Variants in ADGRF4 observed in about 807,000 individuals in gnomAD.
ADGRF4 encodes G-protein coupled receptor PGR18.
Under a neutral mutation model 58.5 loss-of-function variants are expected in ADGRF4, and 63 were observed. The ratio of observed to expected loss-of-function variants is 1.08; its 90% CI spans 0.88 to 1.33. The LOEUF (loss-of-function observed/expected upper bound fraction) is 1.33. ADGRF4 is among the 40% of genes most tolerant of loss of function. The pLI, the probability that ADGRF4 is intolerant of heterozygous loss-of-function variation, is 0.00. For synonymous variants in ADGRF4, 313 were observed against 295.4 expected, an observed-to-expected ratio of 1.06 and a Z score of -0.61; for missense variants, 931 against 843.9, an observed-to-expected ratio of 1.10 and a Z score of -1.28.
chr6:47,699,715 T>A lies in ADGRF4; in HGVS notation c.-17+921T>A, dbSNP rs114425438. Among the ~76,000 whole-genome samples the A allele has an allele frequency of 4.3e-3, 661 of 152,336 alleles. 3 individuals are homozygous for A. The highest frequency in any genetic ancestry group is 0.014 in the African/African-American group (576 of 41,566). On this transcript the variant is annotated intron_variant, in intron 1 of 9. Transcript: ENST00000283303. ...CCCAAGGCTCTATGTGAAGCATTTC[T>A]TCCATGGCAAGGGAGAACTCTAAGG...
chr6:47,706,394 G>A (rs1408205724), intron 1 of ADGRF4, among the ~76,000 whole-genome samples: 1 of 152,148 alleles, frequency 6.6e-6, no homozygotes, highest in Non-Finnish European at 1.5e-5. Context: ...TCTCTAAGAG[G>A]GAGTCTCAGA....
At position 47,717,368 on chromosome 6, in the gene ADGRF4, T is replaced by A; in HGVS notation, c.2034+17T>A. On this transcript the variant is annotated intron_variant, in intron 8 of 9. Coordinates refer to ENST00000283303, the MANE Select transcript of ADGRF4 (RefSeq NM_153838.5). ...GCAGCTGAGGTAAGCCTTCCCCTTT[T>A]AGTCTCAGCCCTGGAGAGTCCGTGT... 1 of 1,579,304 alleles carries A rather than the reference T, an allele frequency of 6.3e-7. No individual in the cohort carries two copies. The highest frequency in any genetic ancestry group is 8.7e-7 in the Non-Finnish European group (1 of 1,148,240).
At chr6:47,711,437 A>G (rs1333606643) in intron 4 of ADGRF4, among the ~76,000 whole-genome samples, 1 of 152,012 alleles carries the variant, frequency 6.6e-6, no homozygotes, top group African/African-American at 2.4e-5. Context: ...TAATTTTTGT[A>G]TTTTTAGTAG....
rs771104599 is a variant in ADGRF4, at chr6:47,713,955, A to G, written c.710A>G (p.Glu237Gly). The G allele has an allele frequency of 6.2e-7, 1 of 1,607,416 alleles. No individual in the cohort carries two copies. Among genetic ancestry groups the G allele is most frequent in the South Asian group, 1.1e-5 (1 of 89,754 alleles). Residue 237 changes from glutamate to glycine, a missense_variant, in exon 6 of 10, where the codon GAA becomes GGA. Physicochemically the swap from Glu to Gly is moderately conservative, Grantham distance 98. Coordinates refer to ENST00000283303, the MANE Select transcript of ADGRF4 (RefSeq NM_153838.5). Reference protein sequence around the residue: ...IHNNSENIVNELFIQTKGFHI... With the variant: ...IHNNSENIVNGLFIQTKGFHI... ...AATAATTCTGAGAACATTGTGAATG[A>G]ACTCTTCATTCAGACAAAAGGGTTT... is the stretch of plus-strand genomic sequence containing the variant.
intron 1 of ADGRF4, among the ~76,000 whole-genome samples, chr6:47,702,690 C>A (rs1771616582): frequency 6.6e-6 from 1 of 152,112 alleles, no homozygotes; most frequent in Admixed American, 6.5e-5. Flanking sequence ...CGTCTCTTCC[C>A]AACAAAGTGT....
At position 47,708,286 on chromosome 6, in the gene ADGRF4, G is replaced by T. The variant is rs755791089; in HGVS notation, c.148+8G>T. 9.4e-6 allele frequency: 15 copies of T among 1,600,968 alleles called. No individual in the cohort carries two copies. Among genetic ancestry groups the T allele is most frequent in the Non-Finnish European group, 1.3e-5 (15 of 1,168,160 alleles). On this transcript the variant is annotated splice_region_variant and intron_variant, in intron 3 of 9. Coordinates refer to ENST00000283303, the MANE Select transcript of ADGRF4 (RefSeq NM_153838.5). Reference sequence around the variant, plus strand: ...AGACTGGAAGGATCCAAGGTATGTGGCTATAGAACAGTCTTCATCCATTTG... The same window carrying T: ...AGACTGGAAGGATCCAAGGTATGTGTCTATAGAACAGTCTTCATCCATTTG...
intron 2 of ADGRF4, among the ~76,000 whole-genome samples, chr6:47,707,834 G>C (rs1771756378): frequency 1.3e-5 from 2 of 152,058 alleles, no homozygotes; most frequent in Non-Finnish European, 1.5e-5. Context: ...TGTCTTCTAA[G>C]GATCTACAGT....
At position 47,718,344 on chromosome 6, in the gene ADGRF4, A is replaced by C. The variant is rs761956673; in HGVS notation, c.2035-45A>C. Reference sequence around the variant, plus strand: ...TCTAGAGAGGGATATACATTTTGTCAATATAATTACTCATTACCACTACTG... The same window carrying C: ...TCTAGAGAGGGATATACATTTTGTCCATATAATTACTCATTACCACTACTG... On this transcript the variant is annotated intron_variant, in intron 8 of 9. Coordinates refer to ENST00000283303, the MANE Select transcript of ADGRF4 (RefSeq NM_153838.5). 1.2e-5 allele frequency: 12 copies of C among 1,001,508 alleles called. No individual in the cohort carries two copies. In the African/African-American group the frequency reaches 1.9e-4, roughly 16 times the overall value. The allele number at this position is 1,001,508 out of a possible 1,614,324, so 62.0% of individuals were successfully genotyped here.
At chr6:47,712,328 T>C (rs937620458) in intron 4 of ADGRF4, 29 bp from the exon 5 acceptor site, 1 of 1,610,030 alleles carries the variant, frequency 6.2e-7, no homozygotes. Flanking sequence ...TTAATCATTT[T>C]TGAATGAAAC....
In ADGRF4 at chr6:47,714,073, C is replaced by A. The variant is rs765685456; in HGVS notation, c.828C>A (p.Pro276=). 3.1e-6 allele frequency: 5 copies of A among 1,613,984 alleles called. No homozygotes were observed. In the South Asian group the frequency reaches 4.4e-5, roughly 14 times the overall value. The part of the protein sequence containing the change: ...TEDILGMVQI[P]RQELRKLWPN... ...ATATCTTAGGAATGGTACAGATTCCCAGGCAAGAGCTAAGGAAGCTGTGGC... is the reference window on the plus strand; with the variant it reads ...ATATCTTAGGAATGGTACAGATTCCAAGGCAAGAGCTAAGGAAGCTGTGGC... Residue 276 remains proline (P), a synonymous_variant, in exon 6 of 10, where the codon CCC becomes CCA. Coordinates refer to ENST00000283303, the MANE Select transcript of ADGRF4 (RefSeq NM_153838.5).
Position 47,715,082 on chromosome 6 carries a change from C to A in ADGRF4, c.1837C>A (p.Leu613Met). The change falls in exon 6 of 10, where the codon CTG becomes ATG. Residue 613 changes from leucine to methionine, a missense_variant. Coordinates refer to ENST00000283303, the MANE Select transcript of ADGRF4 (RefSeq NM_153838.5). ...CAAAAATGTTGCCATCCTCACTCCA[C>A]TGCTGGGACTGACCTGGGGTTTTGG... The part of the protein sequence containing the change: ...ISKNVAILTP[L>M]LGLTWGFGIA... 6.2e-7 allele frequency: 1 copy of A among 1,612,520 alleles called. No individual in the cohort carries two copies. Among genetic ancestry groups the A allele is most frequent in the Non-Finnish European group, 8.5e-7 (1 of 1,178,620 alleles).
In ADGRF4 at chr6:47,714,660, T is replaced by A. The variant is rs763089593; in HGVS notation, c.1415T>A (p.Met472Lys). The change falls in exon 6 of 10, where the codon ATG (methionine) becomes AAG (lysine). Residue 472 changes from methionine (M) to lysine (K), a missense_variant. By Grantham distance (95) the Met-to-Lys change is moderately conservative (BLOSUM62 -1). Transcript: ENST00000283303. ...AACATTAAGGCCCAGGACTACAACA[T>A]GTGTGTTGCAGTGACATTTTTCAGC... ...HFNIKAQDYNMCVAVTFFSHF... is the reference protein window; with the variant it reads ...HFNIKAQDYNKCVAVTFFSHF... The A allele has an allele frequency of 3.1e-6, 5 of 1,614,210 alleles. No homozygotes were observed. Among genetic ancestry groups the A allele is most frequent in the South Asian group, 2.2e-5 (2 of 91,078 alleles).
chr6:47,708,142 A>G lies in ADGRF4; in HGVS notation c.94-82A>G, dbSNP rs1226463428. Reference sequence around the variant, plus strand: ...CTAGTCCTGAACACATTTTCTTTTCATATTCATATGGAGCCTCTAAGCTGA... The same window carrying G: ...CTAGTCCTGAACACATTTTCTTTTCGTATTCATATGGAGCCTCTAAGCTGA... On this transcript the variant is annotated intron_variant, in intron 2 of 9. Transcript: ENST00000283303. 5 of 1,003,116 alleles carry G rather than the reference A, an allele frequency of 5.0e-6. No homozygotes were observed. The African/African-American group carries it at 6.5e-5, about 13-fold the overall frequency. The allele number at this position is 1,003,116 out of a possible 1,614,324, so 62.1% of individuals were successfully genotyped here.
chr6:47,707,785 G>T (rs1296001303), intron 2 of ADGRF4, among the ~76,000 whole-genome samples: 1 of 152,130 alleles, frequency 6.6e-6, no homozygotes, highest in Non-Finnish European at 1.5e-5. Flanking sequence ...TTGCTACCTA[G>T]TGATTATTCC....
chr6:47,712,919 AC>A (rs1425154283), intron 5 of ADGRF4, among the ~76,000 whole-genome samples: 1 of 152,234 alleles, frequency 6.6e-6, no homozygotes, highest in Non-Finnish European at 1.5e-5. Flanking sequence ...GGTCCCCAAC[AC>A]CCAGGCAGTG....
At position 47,721,790 on chromosome 6, in the gene ADGRF4, G is replaced by A. The variant is rs1328806229; in HGVS notation, c.*585G>A. ...AAGCAAGAGAACTGTTTAATATGCTGATTATTTTAGTCTATTTTAGACCTT... is the reference window on the plus strand; with the variant it reads ...AAGCAAGAGAACTGTTTAATATGCTAATTATTTTAGTCTATTTTAGACCTT... On this transcript the variant is annotated 3_prime_UTR_variant, in exon 10 of 10. Coordinates refer to ENST00000283303, the MANE Select transcript of ADGRF4 (RefSeq NM_153838.5). 1 of 152,076 alleles carries A rather than the reference G, an allele frequency of 6.6e-6. No homozygotes were observed. The highest frequency in any genetic ancestry group is 1.5e-5 in the Non-Finnish European group (1 of 68,020). 9.4% of individuals were successfully genotyped at this position (152,076 alleles called of 1,614,324 possible).
At chr6:47,720,432 T>C (rs1375957842) in intron 9 of ADGRF4, among the ~76,000 whole-genome samples, 1 of 152,076 alleles carries the variant, frequency 6.6e-6, no homozygotes, top group Non-Finnish European at 1.5e-5. Context: ...GCAAGGAGAA[T>C]TGAGGCTTCC....
intron 6 of ADGRF4, 24 bp downstream of exon 6, chr6:47,715,201 T>A (rs773911172): frequency 8.6e-6 from 13 of 1,507,236 alleles, no homozygotes; most frequent in Non-Finnish European, 1.2e-5. Flanking sequence ...GGGAGACTTT[T>A]CTGTGTTACT....
In ADGRF4 at chr6:47,714,413, C is replaced by G; in HGVS notation, c.1168C>G (p.Leu390Val). The change falls in exon 6 of 10, where the codon CTC (leucine) becomes GTC (valine). Residue 390 changes from leucine to valine, a missense_variant. Physicochemically the swap from Leu to Val is conservative, Grantham distance 32. Coordinates refer to ENST00000283303, the MANE Select transcript of ADGRF4 (RefSeq NM_153838.5). The stretch of plus-strand genomic sequence containing the variant: ...CAGTGTGGTGATGTCTTTTTCCATT[C>G]TCATGTCCTCCAAATCGATGACCGA... ...YTSVVMSFSI[L>V]MSSKSMTDKV... 2.5e-6 allele frequency: 4 copies of G among 1,614,106 alleles called. No homozygotes were observed. The highest frequency in any genetic ancestry group is 3.4e-6 in the Non-Finnish European group (4 of 1,180,022).
Sources: allele counts gnomAD v4.1 joint callset (sites outside exome capture counted in the v4.1 genomes callset), GRCh38; gene constraint gnomAD v4.1.1; transcripts MANE v1.5; gene names NCBI Gene and HGNC (gene_info 2026-07-23, HGNC 2026-07-21).